The following E2F2 variants were observed in gnomAD, a reference collection of about 807,000 sequenced individuals.
E2F2 encodes transcription factor E2F2.
In E2F2, 22 loss-of-function variants were observed where a neutral mutation model predicts 42.2. The observed-to-expected ratio is 0.52, with a 90% CI of 0.37 to 0.74. E2F2 has a LOEUF of 0.74. Ranked by LOEUF, E2F2 falls within the 30% of genes least tolerant of loss-of-function variation. The probability of loss-of-function intolerance (pLI) is 0.00; values close to 1 mark genes in which losing one functional copy is unlikely to be tolerated. For missense variants in E2F2, 481 were observed against 557.8 expected (o/e 0.86, Z 1.39); for synonymous variants, 248 against 251.6 (o/e 0.99, Z 0.13).
In E2F2 at chr1:23,520,243, CAAAAAAAAAAAAAAAAAAA is replaced by C. The variant is rs66460864; in HGVS notation, c.737+651_737+669del. 9.9e-4 allele frequency among the ~76,000 whole-genome samples: 78 copies of C among 78,860 alleles called. No homozygotes were observed. The East Asian group carries it at 0.012, about 12-fold the overall frequency. 51.7% of individuals were successfully genotyped at this position (78,860 alleles called of 152,430 possible). ...CCTGGGCAAGAGTGAGACTCTGTCT[CAAAAAAAAAAAAAAAAAAA>C]AAAAAAAAAAAAAAAGCTATGTTCA... is the stretch of plus-strand genomic sequence containing the variant. On this transcript the variant is annotated intron_variant, in intron 4 of 6. Coordinates refer to ENST00000361729, the MANE Select transcript of E2F2 (RefSeq NM_004091.4).
At position 23,508,388 on chromosome 1, in the gene E2F2, T is replaced by C. The variant is rs1642841550; in HGVS notation, c.*1492A>G. The C allele has an allele frequency of 6.6e-6, 1 of 152,336 alleles. No individual in the cohort carries two copies. Among genetic ancestry groups the C allele is most frequent in the South Asian group, 2.1e-4 (1 of 4,832 alleles). The allele number at this position is 152,336 out of a possible 1,614,324, so 9.4% of individuals were successfully genotyped here. On this transcript the variant is annotated 3_prime_UTR_variant, in exon 7 of 7. Transcript: ENST00000361729. ...GTCCAGCTGAGCCTCTGAGAAAACC[T>C]AGCTCCCTGAGGGGTGGATGGCAGG...
At chr1:23,505,970 A>G (rs561787487), downstream of E2F2, among the ~76,000 whole-genome samples, 80 of 152,230 alleles carry the variant, frequency 5.3e-4, no homozygotes, top group South Asian at 5.6e-3. Flanking sequence ...TAATTTTTTT[A>G]TATTTTTAGC....
chr1:23,521,092 C>T lies in E2F2; in HGVS notation c.579-21G>A, dbSNP rs754869685. Reference sequence around the variant, plus strand: ...TGCCTCTGGGAACAGAGCAGCCCCCCAGTGTCAGTCTGTGGGTGAAACTCC... The same window carrying T: ...TGCCTCTGGGAACAGAGCAGCCCCCTAGTGTCAGTCTGTGGGTGAAACTCC... On this transcript the variant is annotated intron_variant, in intron 3 of 6. Transcript: ENST00000361729. 1.9e-6 allele frequency: 3 copies of T among 1,593,366 alleles called. No homozygotes were observed. The East Asian group carries it at 6.8e-5, about 36-fold the overall frequency.
intron 2 of E2F2, among the ~76,000 whole-genome samples, chr1:23,522,605 T>A (rs1178193016): frequency 3.9e-5 from 6 of 152,140 alleles, no homozygotes; most frequent in Non-Finnish European, 8.8e-5. Context: ...GGAATTAGAA[T>A]AGGGTAGAAA....
rs768189964 is a variant in E2F2, at chr1:23,520,871, G to C, written c.737+42C>G. On this transcript the variant is annotated intron_variant, in intron 4 of 6. Transcript: ENST00000361729. ...TCAGGATAGATATAAACATGCAACA[G>C]GTTCCTGCTCCCTGACACCTTCCCC... The C allele has an allele frequency of 5.3e-6, 8 of 1,496,400 alleles. No homozygotes were observed. The African/African-American group carries it at 9.9e-5, about 19-fold the overall frequency. The allele number at this position is 1,496,400 out of a possible 1,614,324, so 92.7% of individuals were successfully genotyped here. A position where few individuals can be genotyped will look rare whatever the true frequency, so the allele number is the denominator to read the frequency against.
chr1:23,513,238 G>T (rs1642946074), intron 6 of E2F2, among the ~76,000 whole-genome samples: 1 of 151,986 alleles, frequency 6.6e-6, no homozygotes, highest in Non-Finnish European at 1.5e-5. Context: ...GGCTTTGGGG[G>T]GTTAAAGTGA....
chr1:23,523,285 T>A (rs182932829), intron 2 of E2F2, among the ~76,000 whole-genome samples: 1 of 152,018 alleles, frequency 6.6e-6, no homozygotes, highest in Non-Finnish European at 1.5e-5. Context: ...GCCTCCTGAG[T>A]AGCTGGGATT....
At chr1:23,518,955 G>T in intron 5 of E2F2, 61 bp downstream of exon 5, 1 of 1,399,224 alleles carries the variant, frequency 7.1e-7, no homozygotes, top group Non-Finnish European at 1.0e-6. Context: ...CTGCAGAGCC[G>T]CCTGGAACGC....
intron 6 of E2F2, among the ~76,000 whole-genome samples, chr1:23,515,135 T>G (rs1030770891): frequency 1.3e-5 from 2 of 152,196 alleles, no homozygotes; most frequent in East Asian, 1.9e-4. Context: ...TTAAGAGAAT[T>G]CTGCTGCTAA....
In E2F2 at chr1:23,522,045, G is replaced by C. The variant is rs1384204087; in HGVS notation, c.370C>G (p.Pro124Ala). ...GTGTCATACCGAGTCTTCTCCCCGG[G>C]GGATTTGGGGGCTGAAGAAGAAAGG... ...GLPSPKTPKS[P>A]GEKTRYDTSL... Residue 124 changes from proline (P) to alanine (A), a missense_variant, in exon 3 of 7, where the codon CCC becomes GCC. Pro to Ala is a conservative substitution (Grantham distance 27). Coordinates refer to ENST00000361729, the MANE Select transcript of E2F2 (RefSeq NM_004091.4). 3.1e-6 allele frequency: 5 copies of C among 1,613,898 alleles called. No homozygotes were observed. Among genetic ancestry groups the C allele is most frequent in the Non-Finnish European group, 4.2e-6 (5 of 1,180,004 alleles).
At chr1:23,512,816 CTT>C (rs879768212) in intron 6 of E2F2, among the ~76,000 whole-genome samples, 6 of 143,276 alleles carry the variant, frequency 4.2e-5, no homozygotes, top group African/African-American at 2.5e-5. Context: ...TTCACACAAG[CTT>C]TTTTTTTTTT....
intron 1 of E2F2, among the ~76,000 whole-genome samples, 190 bp from the exon 2 acceptor site, chr1:23,524,678 G>C (rs1416209412): frequency 1.3e-5 from 2 of 152,200 alleles, no homozygotes; most frequent in Non-Finnish European, 2.9e-5. Context: ...GCTTTCAGGG[G>C]AAATCTTGTT....
At chr1:23,521,746 C>T in intron 3 of E2F2, 91 bp downstream of exon 3, 4 of 1,557,018 alleles carry the variant, frequency 2.6e-6, no homozygotes, top group Non-Finnish European at 3.5e-6. Context: ...CAGCCCCGCC[C>T]CTGCCACTCA....
chr1:23,522,300 C>T (rs927328768), intron 2 of E2F2, among the ~76,000 whole-genome samples: 6 of 152,206 alleles, frequency 3.9e-5, no homozygotes, highest in African/African-American at 1.4e-4. Flanking sequence ...TGTCCTGACT[C>T]CTGGTTAAAT....
In E2F2 at chr1:23,506,903, C is replaced by T. The variant is rs1178684724; in HGVS notation, c.*2977G>A. On this transcript the variant is annotated 3_prime_UTR_variant, in exon 7 of 7. Transcript: ENST00000361729. The stretch of plus-strand genomic sequence containing the variant: ...ACCATCCTAAAGCCAGTTTTTCAAG[C>T]TTGACCACCTCCCTCTTCCTCCCTG... 1 of 152,450 alleles carries T rather than the reference C, an allele frequency of 6.6e-6. No homozygotes were observed. Among genetic ancestry groups the T allele is most frequent in the African/African-American group, 2.4e-5 (1 of 41,442 alleles). 9.4% of individuals were successfully genotyped at this position (152,450 alleles called of 1,614,324 possible).
chr1:23,530,697 T>C lies in E2F2; in HGVS notation c.97A>G (p.Ser33Gly), dbSNP rs35749763. The C allele has an allele frequency of 2.8e-3, 4,509 of 1,611,626 alleles. 6 individuals are homozygous for C. Among genetic ancestry groups the C allele is most frequent in the Non-Finnish European group, 3.5e-3 (4,148 of 1,179,246 alleles). ...SPTELWPSGL[S>G]SPQLCPATAT... ...GTAGCTGGGCAGAGCTGGGGGCTGC[T>C]GAGGCCGGATGGCCACAGCTCTGTG... The change falls in exon 1 of 7, where the codon AGC becomes GGC. Residue 33 changes from serine (S) to glycine (G), a missense_variant. Coordinates refer to ENST00000361729, the MANE Select transcript of E2F2 (RefSeq NM_004091.4). This position sits in a 1 kb window ranked among gnomAD's most constrained non-coding sequence, Gnocchi z 4.4.
rs1428449482 is a variant in E2F2, at chr1:23,509,575, C to T, written c.*305G>A. On this transcript the variant is annotated 3_prime_UTR_variant, in exon 7 of 7. Coordinates refer to ENST00000361729, the MANE Select transcript of E2F2 (RefSeq NM_004091.4). Reference sequence around the variant, plus strand: ...ACCCCTCAAAAGGAGGTAGCAGGGCCTTTCCCTGGACTTGGCCACCTCACC... The same window carrying T: ...ACCCCTCAAAAGGAGGTAGCAGGGCTTTTCCCTGGACTTGGCCACCTCACC... 1 of 308,608 alleles carries T rather than the reference C, an allele frequency of 3.2e-6. No homozygotes were observed. Among genetic ancestry groups the T allele is most frequent in the East Asian group, 5.6e-5 (1 of 17,742 alleles). 19.1% of individuals were successfully genotyped at this position (308,608 alleles called of 1,614,324 possible).
chr1:23,520,237 C>T (rs1213926096), intron 4 of E2F2, among the ~76,000 whole-genome samples: 25 of 104,224 alleles, frequency 2.4e-4, no homozygotes, highest in African/African-American at 1.0e-3. Flanking sequence ...GAGTGAGACT[C>T]TGTCTCAAAA....
Position 23,509,784 on chromosome 1 carries a change from C to T in E2F2, c.*96G>A. The T allele has an allele frequency of 2.1e-6, 3 of 1,448,846 alleles. No homozygotes were observed. Among genetic ancestry groups the T allele is most frequent in the Non-Finnish European group, 2.7e-6 (3 of 1,098,164 alleles). 89.7% of individuals were successfully genotyped at this position (1,448,846 alleles called of 1,614,324 possible). A position where few individuals can be genotyped will look rare whatever the true frequency, so the allele number is the denominator to read the frequency against. ...GAGACCCCATGCCCTGAGGGCAGCA[C>T]CTAGTGTCCAATGTCCCTGTGCAGG... is the stretch of plus-strand genomic sequence containing the variant. On this transcript the variant is annotated 3_prime_UTR_variant, in exon 7 of 7. Transcript: ENST00000361729.
Sources: allele counts gnomAD v4.1 joint callset (sites outside exome capture counted in the v4.1 genomes callset), GRCh38; gene constraint gnomAD v4.1.1; non-coding constraint Gnocchi (gnomAD v3.1); transcripts MANE v1.5; gene names NCBI Gene and HGNC (gene_info 2026-07-23, HGNC 2026-07-21).